Variants in SUPT3H observed in about 807,000 individuals in gnomAD.
The protein encoded by SUPT3H is transcription initiation protein SPT3 homolog.
SUPT3H carries 44 observed loss-of-function variants against 44.3 expected under a neutral mutation model. That is an observed-to-expected ratio of 0.99 (90% CI 0.78 to 1.28). The LOEUF (loss-of-function observed/expected upper bound fraction) is 1.28, where lower values mean the gene tolerates loss of function less well. Among genes scored for constraint, SUPT3H ranks in the 50% most tolerant of loss-of-function variants. SUPT3H has a pLI of 0.00. For missense variants in SUPT3H, 380 were observed against 387.1 expected (o/e 0.98, Z 0.15); for synonymous variants, 124 against 125.6 (o/e 0.99, Z 0.09).
At chr6:45,011,655 A>G (rs1736921625) in intron 5 of SUPT3H, among the ~76,000 whole-genome samples, 1 of 152,114 alleles carries the variant, frequency 6.6e-6, no homozygotes, top group African/African-American at 2.4e-5. Context: ...ATCAATTTTA[A>G]AAAGGAAATA....
At chr6:45,338,370 C>G (rs10948227) in intron 2 of SUPT3H, among the ~76,000 whole-genome samples, 23,292 of 151,844 alleles carry the variant, frequency 0.15, 2,015 homozygotes, top group East Asian at 0.26. Flanking sequence ...TAGGCAACTT[C>G]TCAAGAAATT....
At chr6:44,957,311 T>G (rs1775361308) in intron 7 of SUPT3H, among the ~76,000 whole-genome samples, 1 of 152,114 alleles carries the variant, frequency 6.6e-6, no homozygotes, top group African/African-American at 2.4e-5. Context: ...TACCCAAAGC[T>G]GTCAAATATG....
intron 11 of SUPT3H, among the ~76,000 whole-genome samples, chr6:44,810,205 A>G (rs1218609625): frequency 1.3e-5 from 2 of 152,236 alleles, no homozygotes; most frequent in African/African-American, 2.4e-5. Flanking sequence ...ACAGCAAAAG[A>G]TAACTGAAAC....
chr6:45,232,689 T>C (rs938100695), intron 2 of SUPT3H, among the ~76,000 whole-genome samples: 3 of 152,156 alleles, frequency 2.0e-5, no homozygotes, highest in African/African-American at 4.8e-5. Context: ...TGACACTGGC[T>C]ACAGTGCACG....
At chr6:44,993,374 A>T (rs1237723964) in intron 6 of SUPT3H, among the ~76,000 whole-genome samples, 1 of 151,938 alleles carries the variant, frequency 6.6e-6, no homozygotes, top group Admixed American at 6.6e-5. Context: ...GGATCTAGGT[A>T]AGAGTTAGGT....
At chr6:45,257,866 CT>C (rs1773676150) in intron 2 of SUPT3H, among the ~76,000 whole-genome samples, 1 of 152,210 alleles carries the variant, frequency 6.6e-6, no homozygotes, top group South Asian at 2.1e-4. Context: ...CCTGAGATGA[CT>C]TTGCCACAAA....
chr6:45,060,195 C>T (rs1791766557), intron 3 of SUPT3H, among the ~76,000 whole-genome samples: 1 of 152,086 alleles, frequency 6.6e-6, no homozygotes. Flanking sequence ...TGACTTCAAA[C>T]TATATTACAA....
intron 2 of SUPT3H, among the ~76,000 whole-genome samples, chr6:45,329,727 T>C (rs1787076739): frequency 6.6e-6 from 1 of 151,966 alleles, no homozygotes; most frequent in African/African-American, 2.4e-5. Flanking sequence ...AGGCATAATC[T>C]TGTCCCTTAA....
intron 10 of SUPT3H, among the ~76,000 whole-genome samples, chr6:44,872,495 G>A (rs969134223): frequency 6.6e-6 from 1 of 151,308 alleles, no homozygotes; most frequent in African/African-American, 2.4e-5. Flanking sequence ...GCTCCTGAAG[G>A]AAGTGCTAAA....
At chr6:44,952,125 G>C (rs1774408247) in intron 9 of SUPT3H, among the ~76,000 whole-genome samples, 1 of 152,078 alleles carries the variant, frequency 6.6e-6, no homozygotes, top group Non-Finnish European at 1.5e-5. Flanking sequence ...TTTCCAAGGG[G>C]CATAAGAAAA....
At chr6:45,203,650 CACG>C (rs2153627080) in intron 2 of SUPT3H, among the ~76,000 whole-genome samples, 1 of 152,308 alleles carries the variant, frequency 6.6e-6, no homozygotes, top group South Asian at 2.1e-4. Flanking sequence ...GAATCTTTAA[CACG>C]ACATGTGTTG....
chr6:45,149,025 A>G (rs1269115552), intron 2 of SUPT3H, among the ~76,000 whole-genome samples: 2 of 152,140 alleles, frequency 1.3e-5, no homozygotes, highest in African/African-American at 4.8e-5. Context: ...TTAGTACACA[A>G]TATGTTTTTG....
chr6:44,998,818 T>G (rs945030994), intron 6 of SUPT3H, among the ~76,000 whole-genome samples: 28 of 151,974 alleles, frequency 1.8e-4, no homozygotes, highest in African/African-American at 6.8e-4. Flanking sequence ...ATTGTAAAAT[T>G]TCTATGCTTT....
chr6:44,929,181 A>C (rs1770136879), intron 10 of SUPT3H, among the ~76,000 whole-genome samples: 1 of 152,058 alleles, frequency 6.6e-6, no homozygotes, highest in East Asian at 1.9e-4. Context: ...AATAATTCCT[A>C]AGGTGAAAAA....
chr6:44,824,326 AACTC>A (rs1295336146), downstream of SUPT3H, among the ~76,000 whole-genome samples: 2 of 152,108 alleles, frequency 1.3e-5, no homozygotes, highest in Non-Finnish European at 2.9e-5. Flanking sequence ...CAGGTGAACT[AACTC>A]TTCCCAAGTG....
chr6:45,279,435 T>C (rs1261894781), intron 2 of SUPT3H, among the ~76,000 whole-genome samples: 1 of 152,076 alleles, frequency 6.6e-6, no homozygotes, highest in Non-Finnish European at 1.5e-5. Flanking sequence ...GCAGGAAATG[T>C]TTGGGTCATG....
chr6:45,196,586 CCA>C (rs1329680454), intron 2 of SUPT3H, among the ~76,000 whole-genome samples: 4 of 151,998 alleles, frequency 2.6e-5, no homozygotes, highest in Non-Finnish European at 4.4e-5. Flanking sequence ...TTTGCTAAAA[CCA>C]CAGTTTCTTT....
intron 3 of SUPT3H, among the ~76,000 whole-genome samples, chr6:45,087,756 C>T (rs1235678528): frequency 6.6e-6 from 1 of 151,878 alleles, no homozygotes; most frequent in Non-Finnish European, 1.5e-5. Flanking sequence ...TTATCCATTT[C>T]TCTGTTTCAC....
In SUPT3H at chr6:45,230,439, T is replaced by C. The variant is rs146911621; in HGVS notation, c.102-124433A>G. 2.6e-5 allele frequency among the ~76,000 whole-genome samples: 4 copies of C among 151,864 alleles called. No homozygotes were observed. In the East Asian group the frequency reaches 7.7e-4, roughly 29 times the overall value. On this transcript the variant is annotated intron_variant, in intron 2 of 10. Coordinates refer to ENST00000371459, the MANE Select transcript of SUPT3H (RefSeq NM_003599.4). ...GTGGGGGGGGCTTATGTAACAATTG[T>C]TATATGAATTCTTCACTTTATCATT... is the stretch of plus-strand genomic sequence containing the variant.
Sources: allele counts gnomAD v4.1 joint callset (sites outside exome capture counted in the v4.1 genomes callset), GRCh38; gene constraint gnomAD v4.1.1; transcripts MANE v1.5; gene names NCBI Gene and HGNC (gene_info 2026-07-23, HGNC 2026-07-21).